IGSF11: variants seen among roughly 807,000 people sequenced by gnomAD.
IGSF11 encodes immunoglobulin superfamily member 11.
Under a neutral mutation model 41.0 loss-of-function variants are expected in IGSF11, and 22 were observed. That is an observed-to-expected ratio of 0.54 (90% CI 0.38 to 0.77). The LOEUF (loss-of-function observed/expected upper bound fraction) is 0.77, where lower values mean the gene tolerates loss of function less well. Among genes scored for constraint, IGSF11 ranks in the 30% least tolerant of loss-of-function variants. IGSF11 has a pLI of 0.00. For synonymous variants in IGSF11, 219 were observed against 201.3 expected (o/e 1.09, Z -0.74); for missense variants, 444 against 530.8 (o/e 0.84, Z 1.61).
intron 1 of IGSF11, among the ~76,000 whole-genome samples, chr3:119,066,587 T>G (rs1942240626): frequency 6.6e-6 from 1 of 152,246 alleles, no homozygotes; most frequent in Non-Finnish European, 1.5e-5. Flanking sequence ...GTGAGATTGT[T>G]GTTAAATCAT....
chr3:118,958,278 G>T (rs925509812), intron 1 of IGSF11, among the ~76,000 whole-genome samples: 2 of 151,838 alleles, frequency 1.3e-5, no homozygotes, highest in Non-Finnish European at 2.9e-5. Context: ...AAAGAAGAAA[G>T]AAATACGTGA....
intron 3 of IGSF11, 85 bp downstream of exon 3, chr3:118,928,424 T>C: frequency 1.0e-6 from 1 of 965,412 alleles, no homozygotes; most frequent in East Asian, 2.4e-5. Context: ...AGACTGAAGG[T>C]GTAGAAACAA....
chr3:119,021,780 T>A (rs1455358040), intron 1 of IGSF11, among the ~76,000 whole-genome samples: 1 of 152,072 alleles, frequency 6.6e-6, no homozygotes, highest in Admixed American at 6.5e-5. Context: ...AGGCAAAAAA[T>A]TTATAGTCAA....
At chr3:118,946,458 AG>A (rs1415532089) in intron 1 of IGSF11, among the ~76,000 whole-genome samples, 56 of 147,522 alleles carry the variant, frequency 3.8e-4, no homozygotes, top group African/African-American at 1.2e-3. Context: ...AAAAAAAAAA[AG>A]AAGAAGAAGA....
At chr3:118,935,385 C>T (rs1451662401) in intron 1 of IGSF11, among the ~76,000 whole-genome samples, 1 of 138,640 alleles carries the variant, frequency 7.2e-6, no homozygotes, top group African/African-American at 2.8e-5. Flanking sequence ...TACACACACA[C>T]ACACACACAC....
chr3:119,108,037 A>G (rs112856523), upstream of IGSF11, among the ~76,000 whole-genome samples: 17 of 150,632 alleles, frequency 1.1e-4, no homozygotes, highest in East Asian at 2.9e-3. Flanking sequence ...CTCCAGCTTT[A>G]TTCTTTTGGC....
chr3:119,093,014 T>A (rs1162433917), intron 1 of IGSF11, among the ~76,000 whole-genome samples: 5 of 152,058 alleles, frequency 3.3e-5, no homozygotes, highest in Non-Finnish European at 7.4e-5. Context: ...CACTGTATGA[T>A]GTTTGCACAA....
intron 1 of IGSF11, among the ~76,000 whole-genome samples, chr3:119,095,847 A>G (rs893442423): frequency 6.6e-6 from 1 of 152,218 alleles, no homozygotes; most frequent in Non-Finnish European, 1.5e-5. Context: ...CCCAACCCTG[A>G]GAATGGCTTA....
intron 1 of IGSF11, among the ~76,000 whole-genome samples, chr3:119,120,687 G>A (rs1576825371): frequency 6.6e-6 from 1 of 152,126 alleles, no homozygotes; most frequent in Non-Finnish European, 1.5e-5. Flanking sequence ...GCTTCTACCT[G>A]GTGGGTCACC....
At chr3:119,027,631 T>C (rs1019923225) in intron 1 of IGSF11, among the ~76,000 whole-genome samples, 2 of 152,204 alleles carry the variant, frequency 1.3e-5, no homozygotes, top group Non-Finnish European at 2.9e-5. Flanking sequence ...ATAGATTCTT[T>C]TAAATTTTCT....
At chr3:119,113,824 G>T (rs1051401132) in intron 1 of IGSF11, among the ~76,000 whole-genome samples, 1 of 152,362 alleles carries the variant, frequency 6.6e-6, no homozygotes, top group East Asian at 1.9e-4. Flanking sequence ...CTCTGCCCCT[G>T]CAGCAGACTT....
At chr3:118,910,113 A>C (rs1452430369) in intron 4 of IGSF11, among the ~76,000 whole-genome samples, 1 of 152,188 alleles carries the variant, frequency 6.6e-6, no homozygotes, top group African/African-American at 2.4e-5. Context: ...CTCTGCTTTT[A>C]GGTTTAACTG....
intron 1 of IGSF11, among the ~76,000 whole-genome samples, chr3:119,065,300 A>G (rs541196767): frequency 1.3e-5 from 2 of 152,294 alleles, no homozygotes; most frequent in South Asian, 2.1e-4. Context: ...TGATATATAG[A>G]TTGTCTTCAC....
At chr3:119,097,934 G>A (rs188653603) in intron 1 of IGSF11, among the ~76,000 whole-genome samples, 81 of 144,388 alleles carry the variant, frequency 5.6e-4, no homozygotes, top group African/African-American at 1.8e-3. Flanking sequence ...AGGACTACAG[G>A]CACATGCCAC....
At chr3:119,146,003 C>T (rs2077719555) in exon 1 of IGSF11, 4 of 592,082 alleles carry the variant, frequency 6.8e-6, no homozygotes, top group Admixed American at 6.0e-5. Context: ...CGCCTGCACA[C>T]TGCAGGGTCA....
At chr3:119,105,565 G>A (rs1416591897), upstream of IGSF11, among the ~76,000 whole-genome samples, 3 of 152,104 alleles carry the variant, frequency 2.0e-5, no homozygotes, top group Non-Finnish European at 4.4e-5. Flanking sequence ...TAGGTCACCT[G>A]CATCAGTCAC....
chr3:118,913,946 G>A (rs561140934), intron 4 of IGSF11, among the ~76,000 whole-genome samples: 6 of 152,272 alleles, frequency 3.9e-5, no homozygotes, highest in African/African-American at 7.2e-5. Flanking sequence ...TCCAAAAAAT[G>A]GCTAATAGGA....
intron 1 of IGSF11, among the ~76,000 whole-genome samples, chr3:118,930,969 A>C (rs1353801884): frequency 1.3e-5 from 2 of 152,226 alleles, no homozygotes; most frequent in African/African-American, 2.4e-5. Flanking sequence ...ACCCAATTTT[A>C]AAACTTGCTA....
At chr3:118,911,691 G>A (rs1940322808) in intron 4 of IGSF11, among the ~76,000 whole-genome samples, 1 of 151,746 alleles carries the variant, frequency 6.6e-6, no homozygotes, top group South Asian at 2.1e-4. Context: ...AGAGAGAAGA[G>A]ATAGAAAGTG....
Sources: gnomAD v4.1 joint callset for allele counts (sites outside exome capture counted in the v4.1 genomes callset) on GRCh38, gnomAD v4.1.1 for gene constraint, MANE v1.5 for transcripts, NCBI Gene and HGNC (gene_info 2026-07-23, HGNC 2026-07-21) for gene names.